The following LONP2 variants were observed in gnomAD, a reference collection of about 807,000 sequenced individuals.
LONP2 encodes lon protease homolog 2, peroxisomal.
LONP2 carries 60 observed loss-of-function variants against 85.6 expected under a neutral mutation model. That is an observed-to-expected ratio of 0.70 (90% CI 0.57 to 0.87). The LOEUF (loss-of-function observed/expected upper bound fraction) is 0.87. LONP2 is among the 40% of genes least tolerant of loss of function. The probability of loss-of-function intolerance (pLI) is 0.00; values close to 1 mark genes in which losing one functional copy is unlikely to be tolerated. For synonymous variants in LONP2, 395 were observed against 389.7 expected, an observed-to-expected ratio of 1.01 and a Z score of -0.16; for missense variants, 860 against 1,063.5, an observed-to-expected ratio of 0.81 and a Z score of 2.66.
At chr16:48,297,518 C>G (rs1238828013) in intron 9 of LONP2, among the ~76,000 whole-genome samples, 3 of 152,136 alleles carry the variant, frequency 2.0e-5, no homozygotes, top group Non-Finnish European at 4.4e-5. Flanking sequence ...CCATATTGGC[C>G]AGGCTGGTCT....
chr16:48,256,530 A>C, intron 2 of LONP2, 80 bp from the exon 3 acceptor site: 1 of 1,468,214 alleles, frequency 6.8e-7, no homozygotes, highest in Non-Finnish European at 9.4e-7. Context: ...CCAAACATTA[A>C]ACCTAGATGG....
intron 11 of LONP2, among the ~76,000 whole-genome samples, chr16:48,318,734 T>C (rs1596980401): frequency 6.6e-6 from 1 of 152,156 alleles, no homozygotes; most frequent in African/African-American, 2.4e-5. Flanking sequence ...GCTGATGGGC[T>C]TGTGTTCGTT....
At chr16:48,329,918 T>C (rs1287533303) in intron 11 of LONP2, among the ~76,000 whole-genome samples, 1 of 152,244 alleles carries the variant, frequency 6.6e-6, no homozygotes, top group Non-Finnish European at 1.5e-5. Context: ...GATGGGTGAC[T>C]GTGCACAAAC....
In LONP2 at chr16:48,262,659, T is replaced by G. The variant is rs920070021; in HGVS notation, c.888-119T>G. On this transcript the variant is annotated intron_variant, in intron 5 of 14. Transcript: ENST00000285737. ...ATTATCTGGATACTTTAAAACTTTT[T>G]CAGATTTGTTTAAACATGCATGATA... The G allele has an allele frequency of 4.2e-5, 25 of 595,116 alleles. No individual in the cohort carries two copies. In the African/African-American group the frequency reaches 4.2e-4, roughly 10 times the overall value. The allele number at this position is 595,116 out of a possible 1,614,324, so 36.9% of individuals were successfully genotyped here. A position where few individuals can be genotyped will look rare whatever the true frequency, so the allele number is the denominator to read the frequency against.
chr16:48,298,626 G>GT (rs1555481193), intron 9 of LONP2, among the ~76,000 whole-genome samples: 28 of 134,396 alleles, frequency 2.1e-4, no homozygotes, highest in East Asian at 1.1e-3. Flanking sequence ...ATTTAATTGA[G>GT]GTGTGTGTGT....
chr16:48,277,591 C>T (rs560630709), intron 8 of LONP2, 112 bp downstream of exon 8: 110 of 1,040,176 alleles, frequency 1.1e-4, no homozygotes, highest in Non-Finnish European at 1.4e-4. Context: ...ATGGGAAAAA[C>T]AGTTTGATAC....
chr16:48,334,807 C>CTCAA (rs1959591606), intron 12 of LONP2: 4 of 553,206 alleles, frequency 7.2e-6, no homozygotes, highest in South Asian at 4.3e-5. Flanking sequence ...TGGGCTCGAC[C>CTCAA]TCAAGGGTGA....
intron 2 of LONP2, 45 bp downstream of exon 2, chr16:48,252,410 C>A: frequency 7.7e-7 from 1 of 1,296,956 alleles, no homozygotes; most frequent in Non-Finnish European, 1.1e-6. Context: ...TTCTTTGGTT[C>A]TTTTGCTTTC....
chr16:48,245,553 G>A (rs565524269), intron 1 of LONP2, among the ~76,000 whole-genome samples: 3 of 152,280 alleles, frequency 2.0e-5, no homozygotes, highest in African/African-American at 7.2e-5. Context: ...AGTTGTCCTG[G>A]TTTGCTGCGA....
chr16:48,254,944 A>G (rs2150964683), intron 2 of LONP2, among the ~76,000 whole-genome samples: 1 of 152,248 alleles, frequency 6.6e-6, no homozygotes, highest in South Asian at 2.1e-4. Context: ...TTTATTATCT[A>G]CTTCTTCCAC....
At chr16:48,306,222 A>G (rs1386053) in intron 11 of LONP2, among the ~76,000 whole-genome samples, 24,721 of 152,244 alleles carry the variant, frequency 0.16, 2,205 homozygotes, top group Middle Eastern at 0.26. Context: ...TTTAAGATTT[A>G]GATGATATAT....
chr16:48,295,979 A>G, intron 8 of LONP2, 36 bp from the exon 9 acceptor site: 1 of 1,607,996 alleles, frequency 6.2e-7, no homozygotes, highest in Non-Finnish European at 8.5e-7. Flanking sequence ...TGTTGGCACT[A>G]CTAAAGTTTT....
At chr16:48,317,303 T>C (rs1973166360) in intron 11 of LONP2, among the ~76,000 whole-genome samples, 1 of 152,208 alleles carries the variant, frequency 6.6e-6, no homozygotes, top group Admixed American at 6.5e-5. Flanking sequence ...TCTTCCTTTA[T>C]TGGGATTTTG....
intron 11 of LONP2, among the ~76,000 whole-genome samples, chr16:48,324,408 T>A (rs547119477): frequency 6.6e-6 from 1 of 152,290 alleles, no homozygotes; most frequent in East Asian, 1.9e-4. Context: ...GTTATTTATA[T>A]CCCCAGTAAC....
Position 48,354,227 on chromosome 16 carries a change from A to AGAT in LONP2, c.*2427_*2429dup, listed in dbSNP as rs1221810297. 1.2e-4 allele frequency: 3 copies of AGAT among 24,528 alleles called. No homozygotes were observed. Among genetic ancestry groups the AGAT allele is most frequent in the East Asian group, 1.4e-3 (1 of 732 alleles). The allele number at this position is 24,528 out of a possible 1,614,324, so 1.5% of individuals were successfully genotyped here. On this transcript the variant is annotated 3_prime_UTR_variant, in exon 15 of 15. Transcript: ENST00000285737. ...TTTTTTTTTTTTTTTTTTTTTTTTGAGATGGAGTCTTGCTCTGTTACCCAG... is the reference window on the plus strand; with the variant it reads ...TTTTTTTTTTTTTTTTTTTTTTTTGAGATGATGGAGTCTTGCTCTGTTACCCAG...
chr16:48,345,433 G>C (rs954294354), intron 12 of LONP2: 4 of 152,222 alleles, frequency 2.6e-5, no homozygotes, highest in Non-Finnish European at 4.4e-5. Flanking sequence ...TAATTTGGGT[G>C]ACAGATTCCC....
At chr16:48,293,814 A>C (rs1053880805) in intron 8 of LONP2, among the ~76,000 whole-genome samples, 1 of 152,228 alleles carries the variant, frequency 6.6e-6, no homozygotes, top group Non-Finnish European at 1.5e-5. Context: ...GGCCTAGTTG[A>C]GCAGAGGACT....
At chr16:48,245,866 C>A (rs1158780502) in intron 1 of LONP2, among the ~76,000 whole-genome samples, 1 of 151,966 alleles carries the variant, frequency 6.6e-6, no homozygotes, top group African/African-American at 2.4e-5. Flanking sequence ...CAACAAGTAT[C>A]TTCAAACTCA....
At chr16:48,262,963 C>T (rs1446127288) in intron 6 of LONP2, 91 bp downstream of exon 6, 23 of 764,854 alleles carry the variant, frequency 3.0e-5, no homozygotes, top group Non-Finnish European at 3.2e-5. Context: ...CACTGATTGT[C>T]GTACTGTTAA....
Sources: allele counts gnomAD v4.1 joint callset (sites outside exome capture counted in the v4.1 genomes callset), GRCh38; gene constraint gnomAD v4.1.1; transcripts MANE v1.5; gene names NCBI Gene and HGNC (gene_info 2026-07-23, HGNC 2026-07-21).